Variants in MERTK observed in about 807,000 individuals in gnomAD.
MERTK encodes tyrosine-protein kinase Mer.
In MERTK, 69 loss-of-function variants were observed where a neutral mutation model predicts 99.3. The ratio of observed to expected loss-of-function variants is 0.70; its 90% CI spans 0.57 to 0.85. MERTK has a LOEUF of 0.85. MERTK is among the 40% of genes least tolerant of loss of function. The pLI is 0.00. For missense variants in MERTK, 1,125 were observed against 1,249.4 expected, an observed-to-expected ratio of 0.90 and a Z score of 1.50; for synonymous variants, 426 against 467.6, an observed-to-expected ratio of 0.91 and a Z score of 1.15.
In MERTK at chr2:111,923,280, C is replaced by T. The variant is rs576102704; in HGVS notation, c.62-5840C>T. ...AGTATGTGAATAAACATTCACTAAT[C>T]AGGTCCCTTGGGCCTGTCCTGTACT... On this transcript the variant is annotated intron_variant, in intron 1 of 18. Transcript: ENST00000295408. Among the ~76,000 whole-genome samples the T allele has an allele frequency of 6.6e-5, 10 of 152,320 alleles. No homozygotes were observed. In the South Asian group the frequency reaches 2.1e-3, roughly 32 times the overall value.
In MERTK at chr2:111,898,733, G is replaced by C. The variant is rs1184309576; in HGVS notation, c.-3G>C. The C allele has an allele frequency of 1.9e-6, 3 of 1,606,116 alleles. No individual in the cohort carries two copies. Among genetic ancestry groups the C allele is most frequent in the Non-Finnish European group, 2.5e-6 (3 of 1,176,942 alleles). Reference sequence around the variant, plus strand: ...AGAGAAATTACAGATCCGCAGCCCCGGGATGGGGCCGGCCCCGCTGCCGCT... The same window carrying C: ...AGAGAAATTACAGATCCGCAGCCCCCGGATGGGGCCGGCCCCGCTGCCGCT... On this transcript the variant is annotated 5_prime_UTR_variant, in exon 1 of 19. Transcript: ENST00000295408.
chr2:111,960,079 A>C (rs1685215331), intron 4 of MERTK, among the ~76,000 whole-genome samples: 1 of 152,206 alleles, frequency 6.6e-6, no homozygotes, highest in African/African-American at 2.4e-5. Flanking sequence ...TTTGACTCTG[A>C]GGACTACAGA....
intron 6 of MERTK, among the ~76,000 whole-genome samples, chr2:111,970,798 TC>T (rs1244275514): frequency 1.2e-4 from 2 of 17,184 alleles, no homozygotes; most frequent in Non-Finnish European, 2.6e-4. Context: ...CTCCTCCTCC[TC>T]CCCCCTCCTC....
intron 4 of MERTK, among the ~76,000 whole-genome samples, chr2:111,949,763 G>A (rs980276842): frequency 6.6e-6 from 1 of 151,986 alleles, no homozygotes; most frequent in African/African-American, 2.4e-5. Context: ...TCTCCCATAG[G>A]CAATTCTGTT....
intron 2 of MERTK, chr2:111,940,325 T>C: frequency 2.1e-6 from 1 of 486,672 alleles, no homozygotes; most frequent in South Asian, 1.7e-5. Flanking sequence ...TTTCCCAGCC[T>C]GTGGTCTGTC....
Position 112,021,474 on chromosome 2 carries a change from A to G in MERTK, c.2242A>G (p.Ile748Val). 6.2e-7 allele frequency: 1 copy of G among 1,613,888 alleles called. No homozygotes were observed. Among genetic ancestry groups the G allele is most frequent in the East Asian group, 2.2e-5 (1 of 44,876 alleles). The change falls in exon 17 of 19, where the codon ATT (isoleucine) becomes GTT (valine). Residue 748 changes from isoleucine (I) to valine (V), a missense_variant. By Grantham distance (29) the Ile-to-Val change is conservative. Coordinates refer to ENST00000295408, the MANE Select transcript of MERTK (RefSeq NM_006343.3). ...CVADFGLSKKIYSGDYYRQGR... is the reference protein window; with the variant it reads ...CVADFGLSKKVYSGDYYRQGR... The stretch of plus-strand genomic sequence containing the variant: ...TGCGGACTTCGGCCTCTCTAAGAAG[A>G]TTTACAGTGGCGATTATTACCGCCA...
intron 1 of MERTK, among the ~76,000 whole-genome samples, chr2:111,927,290 AG>A (rs1166727087): frequency 6.6e-5 from 10 of 152,190 alleles, no homozygotes; most frequent in African/African-American, 2.4e-4. Flanking sequence ...CTGCATGGCA[AG>A]GGCTCCCAGA....
Position 111,945,072 on chromosome 2 carries a change from G to T in MERTK, c.583+12G>T. ...CATCGAAGTACAAGGTAAGTCCACA[G>T]ACCAGAGTCCCATTGCCAGAGAACT... On this transcript the variant is annotated intron_variant, in intron 3 of 18. Transcript: ENST00000295408. The T allele has an allele frequency of 6.3e-7, 1 of 1,593,568 alleles. No individual in the cohort carries two copies. Among genetic ancestry groups the T allele is most frequent in the South Asian group, 1.1e-5 (1 of 90,576 alleles).
chr2:112,020,377 T>G (rs193135664), intron 16 of MERTK, among the ~76,000 whole-genome samples: 5 of 152,330 alleles, frequency 3.3e-5, no homozygotes, highest in African/African-American at 1.2e-4. Context: ...CAGTTTACCC[T>G]GGCCTGAGGG....
intron 18 of MERTK, among the ~76,000 whole-genome samples, chr2:112,025,299 A>G (rs1438746893): frequency 6.6e-6 from 1 of 152,160 alleles, no homozygotes; most frequent in East Asian, 1.9e-4. Flanking sequence ...GCGTGGACTC[A>G]GGGGCTCCTC....
intron 4 of MERTK, among the ~76,000 whole-genome samples, chr2:111,961,071 C>T (rs1246671225): frequency 6.6e-6 from 1 of 151,786 alleles, no homozygotes; most frequent in African/African-American, 2.4e-5. Context: ...CAGTTTCATG[C>T]CTCACTTGAG....
In MERTK at chr2:111,934,681, G is replaced by A. The variant is rs1684733116; in HGVS notation, c.482+5141G>A. Among the ~76,000 whole-genome samples, 6 of 152,156 alleles carry A rather than the reference G, an allele frequency of 3.9e-5. No homozygotes were observed. The South Asian group carries it at 1.2e-3, about 32-fold the overall frequency. On this transcript the variant is annotated intron_variant, in intron 2 of 18. Transcript: ENST00000295408. ...ATTCTGTAGGTTGCCTGCTCACTCT[G>A]ATGATAGTTTCTTTTGCTATGCAGA...
At chr2:111,948,677 C>T (rs1357829633) in intron 4 of MERTK, among the ~76,000 whole-genome samples, 1 of 152,194 alleles carries the variant, frequency 6.6e-6, no homozygotes, top group Non-Finnish European at 1.5e-5. Context: ...TCCTACAATA[C>T]ATCTGAAATC....
At chr2:111,965,142 A>G (rs1378859610) in intron 4 of MERTK, 49 bp from the exon 5 acceptor site, 3 of 1,520,632 alleles carry the variant, frequency 2.0e-6, no homozygotes, top group Admixed American at 1.7e-5. Context: ...TGTAGTGAAC[A>G]GCAGCCTGTT....
At chr2:112,007,155 T>A (rs1396608743) in intron 13 of MERTK, among the ~76,000 whole-genome samples, 1 of 152,182 alleles carries the variant, frequency 6.6e-6, no homozygotes, top group African/African-American at 2.4e-5. Flanking sequence ...CCAAAACTTT[T>A]CTTTTCTTTT....
At chr2:112,006,643 A>G (rs1394434057) in intron 13 of MERTK, among the ~76,000 whole-genome samples, 3 of 152,190 alleles carry the variant, frequency 2.0e-5, no homozygotes. Flanking sequence ...GGTAAATTGC[A>G]TAGGGATTAC....
At chr2:111,978,055 T>G (rs1055536394) in intron 7 of MERTK, among the ~76,000 whole-genome samples, 2 of 151,934 alleles carry the variant, frequency 1.3e-5, no homozygotes, top group African/African-American at 4.8e-5. Context: ...TCTCCCACCT[T>G]CACCTTCGCC....
At chr2:111,955,064 T>G (rs996445532) in intron 4 of MERTK, among the ~76,000 whole-genome samples, 3 of 120,426 alleles carry the variant, frequency 2.5e-5, no homozygotes, top group African/African-American at 9.5e-5. Flanking sequence ...AATAAAGCAG[T>G]GAGTGTTCCC....
chr2:111,963,898 G>GT (rs201572057), intron 4 of MERTK, among the ~76,000 whole-genome samples: 1,555 of 151,892 alleles, frequency 0.01, 41 homozygotes, highest in African/African-American at 0.036. Flanking sequence ...TTAGCCTGGG[G>GT]TTTTTTTGTT....
Sources: allele counts gnomAD v4.1 joint callset (sites outside exome capture counted in the v4.1 genomes callset), GRCh38; gene constraint gnomAD v4.1.1; transcripts MANE v1.5; gene names NCBI Gene and HGNC (gene_info 2026-07-23, HGNC 2026-07-21).